Variants in STYXL1 observed in about 807,000 individuals in gnomAD.
STYXL1 encodes serine/threonine/tyrosine-interacting-like protein 1.
A neutral mutation model predicts 36.4 loss-of-function variants in STYXL1; 32 were observed. That is an observed-to-expected ratio of 0.88 (90% confidence interval 0.66 to 1.18). The LOEUF (loss-of-function observed/expected upper bound fraction) is 1.18, where lower values mean the gene tolerates loss of function less well. Among genes scored for constraint, STYXL1 ranks in the 50% most tolerant of loss-of-function variants. STYXL1 has a pLI of 0.00. For synonymous variants in STYXL1, 133 were observed against 144.1 expected (o/e 0.92, Z 0.55); for missense variants, 354 against 394.1 (o/e 0.90, Z 0.86).
At chr7:76,027,068 A>G (rs909430364) in intron 3 of STYXL1, among the ~76,000 whole-genome samples, 3 of 144,888 alleles carry the variant, frequency 2.1e-5, no homozygotes, top group African/African-American at 7.8e-5. Flanking sequence ...GTCTCAAAAG[A>G]AAAAAAAAAA....
At chr7:76,011,498 G>A (rs1203277762) in intron 5 of STYXL1, among the ~76,000 whole-genome samples, 1 of 152,190 alleles carries the variant, frequency 6.6e-6, no homozygotes, top group Non-Finnish European at 1.5e-5. Context: ...TCTATACTAT[G>A]ATTTCGATTG....
rs1421403301 is a variant in STYXL1, at chr7:75,999,551, G to GTGTGTGTGTGTGTGTGTA, written c.810+1338_810+1339insTACACACACACACACACA. Reference sequence around the variant, plus strand: ...TGTGTGTGTGTGTGTGTGTGTGTGTGTATATTTTTTTTTGAGACAGAGTTT... The same window carrying GTGTGTGTGTGTGTGTGTA: ...TGTGTGTGTGTGTGTGTGTGTGTGTGTGTGTGTGTGTGTGTGTATATATTTTTTTTTGAGACAGAGTTT... On this transcript the variant is annotated intron_variant, in intron 8 of 8. Coordinates refer to ENST00000359697, the MANE Select transcript of STYXL1 (RefSeq NM_001317785.2). Among the ~76,000 whole-genome samples, 5 of 80,130 alleles carry GTGTGTGTGTGTGTGTGTA rather than the reference G, an allele frequency of 6.2e-5. No homozygotes were observed. In the South Asian group the frequency reaches 1.2e-3, roughly 19 times the overall value. The allele number at this position is 80,130 out of a possible 152,430, so 52.6% of individuals were successfully genotyped here. A position where few individuals can be genotyped will look rare whatever the true frequency, so the allele number is the denominator to read the frequency against.
intron 4 of STYXL1, among the ~76,000 whole-genome samples, chr7:76,015,957 T>C (rs77131752): frequency 0.025 from 3,867 of 152,236 alleles, 130 homozygotes; most frequent in East Asian, 0.15. Context: ...TCCTCAAACA[T>C]TGGACTCCAA....
chr7:76,044,135 A>T (rs1331612535), intron 1 of STYXL1: 4 of 152,214 alleles, frequency 2.6e-5, no homozygotes, highest in African/African-American at 7.2e-5. Flanking sequence ...AGAGAGAGGC[A>T]GATAGGAGCT....
chr7:76,011,088 C>A (rs1032668614), intron 5 of STYXL1, among the ~76,000 whole-genome samples: 1 of 152,116 alleles, frequency 6.6e-6, no homozygotes, highest in Non-Finnish European at 1.5e-5. Flanking sequence ...TGGTGGCATG[C>A]ATCTGTAGTC....
At chr7:76,003,263 C>T (rs1791217833) in intron 7 of STYXL1, among the ~76,000 whole-genome samples, 1 of 152,176 alleles carries the variant, frequency 6.6e-6, no homozygotes, top group Non-Finnish European at 1.5e-5. Flanking sequence ...TAGCAAGACC[C>T]CAACTCCACC....
At chr7:76,023,935 C>T (rs1794372931) in intron 3 of STYXL1, among the ~76,000 whole-genome samples, 1 of 152,088 alleles carries the variant, frequency 6.6e-6, no homozygotes, top group Non-Finnish European at 1.5e-5. Context: ...ATGGCTTGAA[C>T]CCGGGAGGCA....
chr7:76,027,561 C>A (rs1166445398), intron 3 of STYXL1, among the ~76,000 whole-genome samples: 1 of 151,476 alleles, frequency 6.6e-6, no homozygotes, highest in Non-Finnish European at 1.5e-5. Context: ...GAGTTCAAGC[C>A]ATGATTGTGC....
At chr7:76,017,377 A>G (rs1039842982) in intron 4 of STYXL1, among the ~76,000 whole-genome samples, 3 of 152,138 alleles carry the variant, frequency 2.0e-5, no homozygotes, top group African/African-American at 7.2e-5. Flanking sequence ...CTACACAGCT[A>G]TAAAAAAAGA....
intron 7 of STYXL1, among the ~76,000 whole-genome samples, chr7:76,002,614 A>G (rs1791096179): frequency 6.6e-6 from 1 of 152,140 alleles, no homozygotes; most frequent in Admixed American, 6.6e-5. Context: ...AACATTTGAC[A>G]TCTACTGGGC....
rs1554568728 is a variant in STYXL1, at chr7:76,003,608, C to G, written c.697+150G>C. On this transcript the variant is annotated intron_variant, in intron 7 of 8. Coordinates refer to ENST00000359697, the MANE Select transcript of STYXL1 (RefSeq NM_001317785.2). ...AGTTGGACGTGTCCTGGAGCTTGTC[C>G]CACCCAGATGGAGCATATGCCGAGC... is the stretch of plus-strand genomic sequence containing the variant. 10 of 677,956 alleles carry G rather than the reference C, an allele frequency of 1.5e-5. No homozygotes were observed. The South Asian group carries it at 1.9e-4, about 13-fold the overall frequency. 42.0% of individuals were successfully genotyped at this position (677,956 alleles called of 1,614,324 possible).
chr7:76,017,756 G>A (rs782685569), intron 4 of STYXL1, among the ~76,000 whole-genome samples: 1 of 149,368 alleles, frequency 6.7e-6, no homozygotes, highest in Non-Finnish European at 1.5e-5. Flanking sequence ...GTGGGGTGGT[G>A]CGCACCTGTA....
intron 5 of STYXL1, among the ~76,000 whole-genome samples, chr7:76,006,776 A>AC (rs1791823437): frequency 1.3e-5 from 2 of 151,570 alleles, no homozygotes; most frequent in Non-Finnish European, 2.9e-5. Context: ...AAAAAAAAAA[A>AC]AAAAAACAAA....
chr7:76,018,425 CTG>C (rs1793659226), intron 4 of STYXL1, among the ~76,000 whole-genome samples: 1 of 151,228 alleles, frequency 6.6e-6, no homozygotes, highest in Admixed American at 6.6e-5. Context: ...GAGTTTCACT[CTG>C]TTGTCCAGGC....
chr7:76,026,610 A>G (rs976276361), intron 3 of STYXL1, among the ~76,000 whole-genome samples: 1 of 152,206 alleles, frequency 6.6e-6, no homozygotes, highest in Non-Finnish European at 1.5e-5. Flanking sequence ...CTTGCCAGGA[A>G]TGCTAATTGC....
At position 76,047,673 on chromosome 7, in the gene STYXL1, TCA is replaced by T. The variant is rs1797317138; in HGVS notation, c.-18_-17del. On this transcript the variant is annotated 5_prime_UTR_variant, in exon 1 of 9. Coordinates refer to ENST00000359697, the MANE Select transcript of STYXL1 (RefSeq NM_001317785.2). ...CTCCCTGACCCTACCTTTCCGGAGC[TCA>T]GAGTCCCCTCTGGCCTCCAAGGGCA... 1.1e-5 allele frequency: 2 copies of T among 182,808 alleles called. No homozygotes were observed. The highest frequency in any genetic ancestry group is 1.2e-5 in the Non-Finnish European group (1 of 84,690). The allele number at this position is 182,808 out of a possible 1,614,324, so 11.3% of individuals were successfully genotyped here. A position where few individuals can be genotyped will look rare whatever the true frequency, so the allele number is the denominator to read the frequency against.
intron 1 of STYXL1, among the ~76,000 whole-genome samples, chr7:76,038,304 G>T (rs1224785964): frequency 6.7e-6 from 1 of 149,596 alleles, no homozygotes; most frequent in Non-Finnish European, 1.5e-5. Flanking sequence ...GGAATGTGGG[G>T]GTGTTTGGTT....
intron 4 of STYXL1, among the ~76,000 whole-genome samples, chr7:76,015,899 G>A (rs1327869627): frequency 1.3e-5 from 2 of 152,104 alleles, no homozygotes; most frequent in Non-Finnish European, 2.9e-5. Context: ...ACACTAGACT[G>A]GCCTAGCCTC....
At chr7:76,036,194 G>A (rs545839181) in intron 1 of STYXL1, among the ~76,000 whole-genome samples, 3 of 150,032 alleles carry the variant, frequency 2.0e-5, no homozygotes, top group Admixed American at 6.7e-5. Context: ...TCCACCTCCC[G>A]GGTTCGAGTG....
Sources: allele counts gnomAD v4.1 joint callset (sites outside exome capture counted in the v4.1 genomes callset), GRCh38; gene constraint gnomAD v4.1.1; transcripts MANE v1.5; gene names NCBI Gene and HGNC (gene_info 2026-07-23, HGNC 2026-07-21).